The following HORMAD2 variants were observed in gnomAD, a reference collection of about 807,000 sequenced individuals.
HORMAD2 encodes HORMA domain-containing protein 2.
HORMAD2 carries 45 observed loss-of-function variants against 38.8 expected under a neutral mutation model. The ratio of observed to expected loss-of-function variants is 1.16; its 90% CI spans 0.91 to 1.49. The LOEUF is 1.49. Among genes scored for constraint, HORMAD2 ranks in the 40% most tolerant of loss-of-function variants. HORMAD2 has a pLI of 0.00. For synonymous variants in HORMAD2, 126 were observed against 122.8 expected (o/e 1.03, Z -0.17); for missense variants, 338 against 367.0 (o/e 0.92, Z 0.65).
intron 10 of HORMAD2, among the ~76,000 whole-genome samples, chr22:30,171,190 A>G (rs139536513): frequency 4.6e-5 from 7 of 152,206 alleles, no homozygotes; most frequent in Admixed American, 6.5e-5. Context: ...AAACTCTTCC[A>G]CACCCATGGC....
chr22:30,082,851 A>G (rs2068508876), intron 1 of HORMAD2, among the ~76,000 whole-genome samples: 1 of 152,096 alleles, frequency 6.6e-6, no homozygotes, highest in African/African-American at 2.4e-5. Flanking sequence ...CAACAAAAAA[A>G]ATAGGGCAAT....
the HORMAD2 span, among the ~76,000 whole-genome samples, chr22:30,195,760 A>G: frequency 6.6e-6 from 1 of 152,206 alleles, no homozygotes. Context: ...GTAGGCCCAG[A>G]AACAACCTAC....
the HORMAD2 span, among the ~76,000 whole-genome samples, chr22:30,194,919 A>G: frequency 6.6e-6 from 1 of 152,146 alleles, no homozygotes; most frequent in African/African-American, 2.4e-5. Context: ...TGGGCCGGGC[A>G]CAGTGGCTCA....
At chr22:30,080,806 T>A (rs2068457097) in intron 1 of HORMAD2, among the ~76,000 whole-genome samples, 1 of 151,984 alleles carries the variant, frequency 6.6e-6, no homozygotes, top group South Asian at 2.1e-4. Flanking sequence ...TAATGAGCCA[T>A]GATGAGGCTG....
At chr22:30,190,543 G>A in the HORMAD2 span, among the ~76,000 whole-genome samples, 2 of 152,214 alleles carry the variant, frequency 1.3e-5, no homozygotes, top group Non-Finnish European at 2.9e-5. Flanking sequence ...CTGCTAAGGG[G>A]GTGACAGGGG....
chr22:30,199,991 A>C, the HORMAD2 span, among the ~76,000 whole-genome samples: 1 of 152,060 alleles, frequency 6.6e-6, no homozygotes, highest in Non-Finnish European at 1.5e-5. Flanking sequence ...ACCTCAGCTC[A>C]TGGCAACCTC....
chr22:30,194,820 G>A, the HORMAD2 span, among the ~76,000 whole-genome samples: 1 of 152,124 alleles, frequency 6.6e-6, no homozygotes, highest in Non-Finnish European at 1.5e-5. Flanking sequence ...GCCAACACAG[G>A]GTGGTAAAAG....
At chr22:30,106,636 T>C (rs927838477) in intron 5 of HORMAD2, among the ~76,000 whole-genome samples, 1 of 152,166 alleles carries the variant, frequency 6.6e-6, no homozygotes, top group African/African-American at 2.4e-5. Flanking sequence ...CTGTTCCTCA[T>C]TGAGGGGCAG....
At chr22:30,152,435 T>C (rs1924808291) in intron 10 of HORMAD2, among the ~76,000 whole-genome samples, 1 of 152,116 alleles carries the variant, frequency 6.6e-6, no homozygotes, top group African/African-American at 2.4e-5. Context: ...CAAGCAGTCC[T>C]CCTGACTCAG....
At chr22:30,131,319 A>G (rs1225792947) in intron 10 of HORMAD2, among the ~76,000 whole-genome samples, 1 of 152,210 alleles carries the variant, frequency 6.6e-6, no homozygotes, top group Non-Finnish European at 1.5e-5. Flanking sequence ...TTATTAAGTC[A>G]TTATAGTTCT....
Position 30,161,557 on chromosome 22 carries a change from G to A in HORMAD2, c.820-14506G>A, listed in dbSNP as rs373070803. ...AATTACTTCAAGTATGTGCTTGAGC[G>A]TGTTTATGTATTTAATGTATCCACC... is the stretch of plus-strand genomic sequence containing the variant. On this transcript the variant is annotated intron_variant, in intron 10 of 10. Transcript: ENST00000336726. Among the ~76,000 whole-genome samples the A allele has an allele frequency of 2.5e-4, 38 of 152,206 alleles. 1 individual carries two copies. The South Asian group carries it at 3.7e-3, about 15-fold the overall frequency.
At chr22:30,084,872 G>A (rs955170331) in intron 1 of HORMAD2, among the ~76,000 whole-genome samples, 4 of 152,062 alleles carry the variant, frequency 2.6e-5, no homozygotes, top group Non-Finnish European at 4.4e-5. Context: ...ACGGCCAGGC[G>A]TGGTGGCTCA....
chr22:30,178,168 A>T (rs1436168508), downstream of HORMAD2, among the ~76,000 whole-genome samples: 2 of 152,188 alleles, frequency 1.3e-5, no homozygotes, highest in African/African-American at 4.8e-5. Context: ...AAAAGGAACT[A>T]TTTTGCTTCA....
intron 2 of HORMAD2, among the ~76,000 whole-genome samples, chr22:30,097,059 C>T (rs1202643736): frequency 6.6e-6 from 1 of 152,078 alleles, no homozygotes; most frequent in Non-Finnish European, 1.5e-5. Flanking sequence ...TGACACAACA[C>T]CGGCTGGAAT....
chr22:30,105,087 AG>A (rs1921085235), intron 5 of HORMAD2: 3 of 162,434 alleles, frequency 1.8e-5, no homozygotes, highest in Non-Finnish European at 1.4e-5. Flanking sequence ...AGGGCAAGGC[AG>A]GGGGCTCAGT....
chr22:30,206,004 A>ATC, the HORMAD2 span, among the ~76,000 whole-genome samples: 3 of 152,098 alleles, frequency 2.0e-5, no homozygotes, highest in African/African-American at 7.2e-5. Flanking sequence ...AGGTCATTGC[A>ATC]TCAGAAGGGT....
intron 10 of HORMAD2, among the ~76,000 whole-genome samples, chr22:30,154,029 G>T (rs1419836935): frequency 1.3e-5 from 2 of 152,092 alleles, no homozygotes; most frequent in African/African-American, 4.8e-5. Flanking sequence ...TCACTTCACT[G>T]TTTATGGCTT....
At chr22:30,138,895 G>A (rs1270991882) in intron 10 of HORMAD2, among the ~76,000 whole-genome samples, 1 of 152,102 alleles carries the variant, frequency 6.6e-6, no homozygotes, top group Non-Finnish European at 1.5e-5. Flanking sequence ...GGGTGCTACT[G>A]GATGAAATTA....
the HORMAD2 span, among the ~76,000 whole-genome samples, chr22:30,192,785 C>G: frequency 2.6e-5 from 4 of 152,116 alleles, no homozygotes; most frequent in Admixed American, 1.3e-4. Flanking sequence ...CTGACATAGG[C>G]TCTGTGATAT....
Sources: allele counts gnomAD v4.1 joint callset (sites outside exome capture counted in the v4.1 genomes callset), GRCh38; gene constraint gnomAD v4.1.1; transcripts MANE v1.5; gene names NCBI Gene and HGNC (gene_info 2026-07-23, HGNC 2026-07-21).